Variants in GATAD2B observed in about 807,000 individuals in gnomAD.
The protein encoded by GATAD2B is GATA zinc finger domain containing 2B.
A neutral mutation model predicts 64.3 loss-of-function variants in GATAD2B; 8 were observed. The ratio of observed to expected loss-of-function variants is 0.12; its 90% confidence interval spans 0.07 to 0.22. The LOEUF (loss-of-function observed/expected upper bound fraction) is 0.22, where lower values mean the gene tolerates loss of function less well. Ranked by LOEUF, GATAD2B falls within the 10% of genes least tolerant of loss-of-function variation. The pLI, the probability that GATAD2B is intolerant of heterozygous loss-of-function variation, is 1.00. For synonymous variants in GATAD2B, 281 were observed against 271.3 expected (o/e 1.04, Z -0.35); for missense variants, 453 against 752.0 (o/e 0.60, Z 4.65).
chr1:153,893,391 G>A (rs1386003200), intron 1 of GATAD2B, among the ~76,000 whole-genome samples: 1 of 152,034 alleles, frequency 6.6e-6, no homozygotes, highest in Non-Finnish European at 1.5e-5. Flanking sequence ...CAGATCACTT[G>A]AGCCCAGAAG....
In GATAD2B at chr1:153,874,577, TTTG is replaced by T. The variant is rs1203963332; in HGVS notation, c.-1-46232_-1-46230del. On this transcript the variant is annotated intron_variant, in intron 1 of 10. Transcript: ENST00000368655. Reference sequence around the variant, plus strand: ...TTTATTTATCTATTTTTGGGGTTTTTTTGTTGTTTTTGTTTTTGAGACGGAGTT... The same window carrying T: ...TTTATTTATCTATTTTTGGGGTTTTTTTGTTTTTGTTTTTGAGACGGAGTT... 5.9e-5 allele frequency among the ~76,000 whole-genome samples: 9 copies of T among 152,154 alleles called. No homozygotes were observed. In the South Asian group the frequency reaches 8.3e-4, roughly 14 times the overall value.
intron 1 of GATAD2B, among the ~76,000 whole-genome samples, chr1:153,918,809 G>A (rs1048780749): frequency 5.9e-5 from 9 of 152,110 alleles, no homozygotes; most frequent in Non-Finnish European, 1.3e-4. Flanking sequence ...AAATTAGCCA[G>A]GCATGGTGAC....
At chr1:153,830,255 C>T (rs1010821410) in intron 1 of GATAD2B, among the ~76,000 whole-genome samples, 1 of 151,928 alleles carries the variant, frequency 6.6e-6, no homozygotes, top group Non-Finnish European at 1.5e-5. Flanking sequence ...CAAAGCAATT[C>T]TCCTGCCTCA....
chr1:153,854,920 C>T (rs1446140914), intron 1 of GATAD2B, among the ~76,000 whole-genome samples: 1 of 151,982 alleles, frequency 6.6e-6, no homozygotes, highest in Non-Finnish European at 1.5e-5. Flanking sequence ...GAACATATTT[C>T]AAATCAATGA....
chr1:153,818,295 A>T, intron 4 of GATAD2B, 124 bp from the exon 5 acceptor site: 1 of 756,786 alleles, frequency 1.3e-6, no homozygotes, highest in Non-Finnish European at 2.0e-6. Context: ...AAAAACCAGA[A>T]AAAGGGAGTC....
At chr1:153,865,992 G>C (rs1160247922) in intron 1 of GATAD2B, among the ~76,000 whole-genome samples, 1 of 152,086 alleles carries the variant, frequency 6.6e-6, no homozygotes, top group Non-Finnish European at 1.5e-5. Flanking sequence ...ATCATCTGAA[G>C]TCAGGAGTTC....
chr1:153,892,746 G>A (rs938154957), intron 1 of GATAD2B, among the ~76,000 whole-genome samples: 4 of 141,958 alleles, frequency 2.8e-5, no homozygotes, highest in South Asian at 2.2e-4. Context: ...CCAGGCTGGA[G>A]TGCAGTTGTG....
intron 1 of GATAD2B, among the ~76,000 whole-genome samples, chr1:153,834,040 T>C (rs1261117124): frequency 1.3e-5 from 2 of 151,792 alleles, no homozygotes; most frequent in Non-Finnish European, 2.9e-5. Flanking sequence ...TCTCACTCTG[T>C]TGCCCAGTCT....
At chr1:153,817,310 C>T (rs758987386) in intron 6 of GATAD2B, 62 bp downstream of exon 6, 41 of 1,434,496 alleles carry the variant, frequency 2.9e-5, no homozygotes, top group Middle Eastern at 1.9e-4. Flanking sequence ...ATGGCCCTTT[C>T]GACAAGCAAA....
At chr1:153,835,274 T>C (rs1457258598) in intron 1 of GATAD2B, among the ~76,000 whole-genome samples, 2 of 152,084 alleles carry the variant, frequency 1.3e-5, no homozygotes, top group Non-Finnish European at 2.9e-5. Flanking sequence ...TAAACTTGAG[T>C]TGACAAAGCA....
At chr1:153,815,460 T>C (rs911027830) in intron 7 of GATAD2B, among the ~76,000 whole-genome samples, 31 of 152,052 alleles carry the variant, frequency 2.0e-4, no homozygotes, top group Non-Finnish European at 3.7e-4. Flanking sequence ...ACAATCTTTT[T>C]TTTTTTACTA....
rs570713183 is a variant in GATAD2B at position 153,836,439 on chromosome 1, C to T, written c.-1-8091G>A. 2.5e-4 allele frequency among the ~76,000 whole-genome samples: 38 copies of T among 151,558 alleles called. 2 individuals carry two copies. The South Asian group carries it at 7.5e-3, about 30-fold the overall frequency. ...CTAATTTTTGTATTTTTAGTAGAGA[C>T]GAGGTTTCTCCATGTTGGCCAGGCT... On this transcript the variant is annotated intron_variant, in intron 1 of 10. Transcript: ENST00000368655.
At chr1:153,833,632 T>G (rs1473076547) in intron 1 of GATAD2B, among the ~76,000 whole-genome samples, 4 of 151,948 alleles carry the variant, frequency 2.6e-5, no homozygotes, top group Non-Finnish European at 5.9e-5. Context: ...CTGACCAACA[T>G]GGTGAAACCC....
intron 1 of GATAD2B, among the ~76,000 whole-genome samples, chr1:153,857,130 G>T (rs1333083870): frequency 1.8e-5 from 2 of 114,162 alleles, no homozygotes; most frequent in African/African-American, 5.5e-5. Flanking sequence ...ATATACATAT[G>T]CATATGCATA....
At position 153,868,738 on chromosome 1, in the gene GATAD2B, C is replaced by CTTT. The variant is rs1269590974; in HGVS notation, c.-1-40393_-1-40391dup. 3.3e-3 allele frequency among the ~76,000 whole-genome samples: 461 copies of CTTT among 139,194 alleles called. 4 individuals are homozygous for CTTT. The highest frequency in any genetic ancestry group is 0.011 in the African/African-American group (434 of 37,952). 91.3% of individuals were successfully genotyped at this position (139,194 alleles called of 152,430 possible). A position where few individuals can be genotyped will look rare whatever the true frequency, so the allele number is the denominator to read the frequency against. On this transcript the variant is annotated intron_variant, in intron 1 of 10. Coordinates refer to ENST00000368655, the MANE Select transcript of GATAD2B (RefSeq NM_020699.4). ...TTCCCACTAATATATATACTATATA[C>CTTT]TTTTTTTTTTTTTTTTTGAGAGATT...
chr1:153,847,142 T>C (rs1675714625), intron 1 of GATAD2B, among the ~76,000 whole-genome samples: 1 of 151,914 alleles, frequency 6.6e-6, no homozygotes, highest in Admixed American at 6.6e-5. Flanking sequence ...AGTTTTTGTA[T>C]TTTTAGTGGA....
intron 1 of GATAD2B, among the ~76,000 whole-genome samples, chr1:153,843,454 T>C (rs1210313982): frequency 6.6e-6 from 1 of 152,040 alleles, no homozygotes; most frequent in African/African-American, 2.4e-5. Context: ...AAAAAGTTAT[T>C]TGTAAAGATG....
chr1:153,918,145 CA>C (rs1678329081), intron 1 of GATAD2B, among the ~76,000 whole-genome samples: 1 of 152,102 alleles, frequency 6.6e-6, no homozygotes, highest in African/African-American at 2.4e-5. Flanking sequence ...GACAGCCGAT[CA>C]AAAATGGAAG....
In GATAD2B at chr1:153,805,164, G is replaced by A. The variant is rs1225896598; in HGVS notation, c.*5013C>T. The A allele has an allele frequency of 6.9e-6, 1 of 145,344 alleles. No individual in the cohort carries two copies. The highest frequency in any genetic ancestry group is 2.6e-5 in the African/African-American group (1 of 38,878). The allele number at this position is 145,344 out of a possible 1,614,324, so 9.0% of individuals were successfully genotyped here. A position where few individuals can be genotyped will look rare whatever the true frequency, so the allele number is the denominator to read the frequency against. ...AGGCTTTATCAGCCCAGAACCTAAA[G>A]AAGAGAGTAGGAGTACTCAGCCCAG... On this transcript the variant is annotated 3_prime_UTR_variant, in exon 11 of 11. Coordinates refer to ENST00000368655, the MANE Select transcript of GATAD2B (RefSeq NM_020699.4).
Sources: allele counts gnomAD v4.1 joint callset (sites outside exome capture counted in the v4.1 genomes callset), GRCh38; gene constraint gnomAD v4.1.1; transcripts MANE v1.5; gene names NCBI Gene and HGNC (gene_info 2026-07-23, HGNC 2026-07-21).